The following RPN1 variants were observed in gnomAD, a reference collection of about 807,000 sequenced individuals.
The protein encoded by RPN1 is dolichyl-diphosphooligosaccharide--protein glycosyltransferase subunit 1.
In RPN1, 12 loss-of-function variants were observed where a neutral mutation model predicts 55.5. The ratio of observed to expected loss-of-function variants is 0.22; its 90% CI spans 0.14 to 0.35. The LOEUF is 0.35. RPN1 is among the 10% of genes least tolerant of loss of function. The probability of loss-of-function intolerance (pLI) is 1.00; values close to 1 mark genes in which losing one functional copy is unlikely to be tolerated. For synonymous variants in RPN1, 317 were observed against 305.9 expected, an observed-to-expected ratio of 1.04 and a Z score of -0.38; for missense variants, 679 against 761.3, an observed-to-expected ratio of 0.89 and a Z score of 1.27.
chr3:128,631,372 G>A (rs2069640472), intron 4 of RPN1, among the ~76,000 whole-genome samples: 1 of 151,864 alleles, frequency 6.6e-6, no homozygotes, highest in Admixed American at 6.6e-5. Flanking sequence ...CAGCTACTCG[G>A]GAGGCTGAGG....
At chr3:128,642,177 T>C (rs976104851) in intron 2 of RPN1, 1 of 152,206 alleles carries the variant, frequency 6.6e-6, no homozygotes, top group Non-Finnish European at 1.5e-5. Flanking sequence ...GCAATTTTAA[T>C]AGCGACTTAT....
intron 3 of RPN1, among the ~76,000 whole-genome samples, chr3:128,634,152 C>G (rs760067414): frequency 6.0e-4 from 91 of 151,912 alleles, no homozygotes; most frequent in Non-Finnish European, 1.2e-3. Flanking sequence ...ATGGTGAAAC[C>G]CTGTCTCTAA....
intron 9 of RPN1, among the ~76,000 whole-genome samples, chr3:128,621,348 A>C (rs980999313): frequency 3.3e-5 from 5 of 152,124 alleles, no homozygotes; most frequent in African/African-American, 1.2e-4. Context: ...CCATCTCTAC[A>C]AAAAATTAGC....
chr3:128,619,991 A>G lies in RPN1; in HGVS notation c.*420T>C. 1 of 210,328 alleles carries G rather than the reference A, an allele frequency of 4.8e-6. No homozygotes were observed. The highest frequency in any genetic ancestry group is 7.2e-5 in the East Asian group (1 of 13,980). The allele number at this position is 210,328 out of a possible 1,614,324, so 13.0% of individuals were successfully genotyped here. ...AACAAATGTTCACAGTCCCTGCTTT[A>G]TTTCCATTTGTTCACACACGCTTTA... On this transcript the variant is annotated 3_prime_UTR_variant, in exon 10 of 10. Transcript: ENST00000296255.
In RPN1 at chr3:128,637,867, C is replaced by T; in HGVS notation, c.565G>A (p.Gly189Arg). 1 of 1,614,112 alleles carries T rather than the reference C, an allele frequency of 6.2e-7. No homozygotes were observed. The highest frequency in any genetic ancestry group is 1.1e-5 in the South Asian group (1 of 91,080). Residue 189 changes from glycine to arginine, a missense_variant, in exon 3 of 10, where the codon GGG becomes AGG. By Grantham distance (125) the Gly-to-Arg change is moderately radical (BLOSUM62 -2). Around this residue, in one of 3 missense-constraint regions of RPN1, gnomAD observed 352 missense variants for 352.8 expected, o/e 1.00. Transcript: ENST00000296255. ...SRNVESYTKLGNPTRSEDLLD... is the reference protein window; with the variant it reads ...SRNVESYTKLRNPTRSEDLLD... The stretch of plus-strand genomic sequence containing the variant: ...AGGTCCTCAGAGCGCGTGGGGTTCC[C>T]CAGCTTGGTGTAGCTCTCCACATTT...
chr3:128,649,791 A>T (rs2069800506), intron 1 of RPN1, among the ~76,000 whole-genome samples: 1 of 152,154 alleles, frequency 6.6e-6, no homozygotes, highest in African/African-American at 2.4e-5. Context: ...CAGCAGGGGG[A>T]AGGGAGAAAA....
chr3:128,626,581 C>T, intron 6 of RPN1, 152 bp downstream of exon 6: 1 of 657,148 alleles, frequency 1.5e-6, no homozygotes, highest in Non-Finnish European at 2.7e-6. Context: ...GGACATGTGA[C>T]TCAAGAGAGG....
intron 8 of RPN1, among the ~76,000 whole-genome samples, chr3:128,623,892 G>C (rs2069578610): frequency 6.6e-6 from 1 of 152,068 alleles, no homozygotes; most frequent in Non-Finnish European, 1.5e-5. Flanking sequence ...TTATGTAAGA[G>C]AATACCCTTG....
At chr3:128,630,715 A>G (rs1402647471) in intron 4 of RPN1, among the ~76,000 whole-genome samples, 3 of 152,256 alleles carry the variant, frequency 2.0e-5, no homozygotes, top group Non-Finnish European at 4.4e-5. Context: ...TGTTTTTTAA[A>G]AACACTACAA....
intron 3 of RPN1, among the ~76,000 whole-genome samples, chr3:128,633,237 T>C (rs1053327666): frequency 8.6e-5 from 13 of 151,968 alleles, no homozygotes; most frequent in Non-Finnish European, 1.8e-4. Context: ...TCTTTTTTTT[T>C]TTAAATTATA....
At chr3:128,643,933 A>T (rs2069747558) in intron 2 of RPN1, among the ~76,000 whole-genome samples, 2 of 152,008 alleles carry the variant, frequency 1.3e-5, no homozygotes, top group African/African-American at 4.8e-5. Context: ...TGTCTCCAAA[A>T]AATAATAATA....
chr3:128,641,203 C>T (rs2107720257), intron 2 of RPN1: 1 of 152,078 alleles, frequency 6.6e-6, no homozygotes. Context: ...TACTGAGAAC[C>T]CCATATAGGT....
chr3:128,636,244 T>G (rs555396416), intron 3 of RPN1, among the ~76,000 whole-genome samples: 9 of 152,228 alleles, frequency 5.9e-5, no homozygotes, highest in African/African-American at 2.2e-4. Flanking sequence ...GCGGATCACC[T>G]GAGCTCAGGA....
In RPN1 at chr3:128,638,111, G is replaced by T. The variant is rs2069694956; in HGVS notation, c.327-6C>A. 1.2e-6 allele frequency: 2 copies of T among 1,607,020 alleles called. No homozygotes were observed. The highest frequency in any genetic ancestry group is 2.2e-5 in the South Asian group (2 of 90,852). On this transcript the variant is annotated splice_region_variant and splice_polypyrimidine_tract_variant and intron_variant, in intron 2 of 9. Coordinates refer to ENST00000296255, the MANE Select transcript of RPN1 (RefSeq NM_002950.4). ...TGACTGTGAAGAATCTCCCACTAAA[G>T]GAAGAACAAGGCAAGAGAAGTAAGA...
chr3:128,630,661 T>C (rs2069634522), intron 4 of RPN1, among the ~76,000 whole-genome samples: 1 of 152,168 alleles, frequency 6.6e-6, no homozygotes, highest in Non-Finnish European at 1.5e-5. Context: ...ATTTCATTTA[T>C]GGGACAAAAA....
At chr3:128,648,911 T>C (rs916249371) in intron 1 of RPN1, among the ~76,000 whole-genome samples, 6 of 152,228 alleles carry the variant, frequency 3.9e-5, no homozygotes, top group African/African-American at 1.4e-4. Context: ...AGACCGCATG[T>C]AAGGGGCTAA....
At chr3:128,646,792 G>A (rs551778768) in intron 1 of RPN1, among the ~76,000 whole-genome samples, 1 of 151,894 alleles carries the variant, frequency 6.6e-6, no homozygotes, top group East Asian at 1.9e-4. Context: ...GGCCAACATG[G>A]TGAAACCCCA....
chr3:128,648,560 C>CAA (rs538184863), intron 1 of RPN1, among the ~76,000 whole-genome samples: 1 of 140,232 alleles, frequency 7.1e-6, no homozygotes, highest in Admixed American at 7.2e-5. Context: ...AACTCCGTCT[C>CAA]AAAAAAAAAA....
At position 128,626,785 on chromosome 3, in the gene RPN1, C is replaced by T. The variant is rs762564027; in HGVS notation, c.1084G>A (p.Glu362Lys). 6.2e-7 allele frequency: 1 copy of T among 1,614,136 alleles called. No homozygotes were observed. The highest frequency in any genetic ancestry group is 1.1e-5 in the South Asian group (1 of 91,070). Reference protein sequence around the residue: ...KMRFVDHVFDEQVIDSLTVKI... With the variant: ...KMRFVDHVFDKQVIDSLTVKI... ...ACAGTCAGAGAATCTATCACTTGTT[C>T]ATCAAACACATGGTCCACAAACCTC... Residue 362 changes from glutamate to lysine, a missense_variant, in exon 6 of 10, where the codon GAA (glutamate) becomes AAA (lysine). Glu to Lys is a moderately conservative substitution (Grantham distance 56). This residue lies in a region of RPN1 where 306 missense variants were observed against 360.0 expected (regional missense o/e 0.85). Transcript: ENST00000296255.
Sources: gnomAD v4.1 joint callset for allele counts (sites outside exome capture counted in the v4.1 genomes callset) on GRCh38, gnomAD v4.1.1 for gene constraint, gnomAD v4.1.1 regional missense constraint, MANE v1.5 for transcripts, NCBI Gene and HGNC (gene_info 2026-07-23, HGNC 2026-07-21) for gene names.